Variants in WASF3 observed in about 807,000 individuals in gnomAD.
The protein encoded by WASF3 is actin-binding protein WASF3.
Under a neutral mutation model 46.6 loss-of-function variants are expected in WASF3, and 11 were observed. That is an observed-to-expected ratio of 0.24 (90% CI 0.15 to 0.39). WASF3 has a LOEUF of 0.39. Among genes scored for constraint, WASF3 ranks in the 10% least tolerant of loss-of-function variants. WASF3 has a pLI of 1.00. For missense variants in WASF3, 576 were observed against 669.8 expected, an observed-to-expected ratio of 0.86 and a Z score of 1.55; for synonymous variants, 242 against 259.7, an observed-to-expected ratio of 0.93 and a Z score of 0.65.
the WASF3 span, among the ~76,000 whole-genome samples, chr13:26,546,833 C>G: frequency 6.6e-6 from 1 of 152,228 alleles, no homozygotes; most frequent in Admixed American, 6.5e-5. Context: ...CTCATTTTCA[C>G]AAGGGCAGGA....
chr13:26,568,951 A>T (rs1046068209), intron 1 of WASF3, among the ~76,000 whole-genome samples: 5 of 152,220 alleles, frequency 3.3e-5, no homozygotes, highest in Admixed American at 2.0e-4. Flanking sequence ...TGACCCAATT[A>T]AACTTTGGAG....
intron 1 of WASF3, among the ~76,000 whole-genome samples, chr13:26,580,661 T>C (rs1056624977): frequency 2.0e-5 from 3 of 151,198 alleles, no homozygotes; most frequent in Non-Finnish European, 2.9e-5. Flanking sequence ...TTTTTGCTCT[T>C]GTTGCTCAGA....
At chr13:26,635,508 C>T (rs973046700) in intron 2 of WASF3, among the ~76,000 whole-genome samples, 1 of 152,202 alleles carries the variant, frequency 6.6e-6, no homozygotes, top group Admixed American at 6.5e-5. Context: ...CAAAGTCATT[C>T]TCCGTCCAGC....
At position 26,621,754 on chromosome 13, in the gene WASF3, C is replaced by G. The variant is rs114942397; in HGVS notation, c.-11+8696C>G. Among the ~76,000 whole-genome samples, 1,376 of 152,238 alleles carry G rather than the reference C, an allele frequency of 9.0e-3. 10 individuals carry two copies. The highest frequency in any genetic ancestry group is 0.017 in the African/African-American group (718 of 41,542). The stretch of plus-strand genomic sequence containing the variant: ...AGCTTTAAAAAGAAGCAGTGTGGCT[C>G]TAGAAGGCAGTGTGCGAAGTGAGGA... On this transcript the variant is annotated intron_variant, in intron 2 of 9. Transcript: ENST00000335327.
chr13:26,567,384 A>G (rs1879497167), intron 1 of WASF3, among the ~76,000 whole-genome samples: 2 of 152,170 alleles, frequency 1.3e-5, no homozygotes, highest in Admixed American at 6.5e-5. Context: ...CTGCATGGCA[A>G]GCTTGTTCTA....
intron 1 of WASF3, among the ~76,000 whole-genome samples, chr13:26,564,000 A>G (rs980305967): frequency 3.9e-5 from 6 of 152,122 alleles, no homozygotes; most frequent in African/African-American, 1.4e-4. Flanking sequence ...ATTGATCTAA[A>G]GATATCTTCT....
chr13:26,682,458 A>G lies in WASF3; in HGVS notation c.984-149A>G. On this transcript the variant is annotated intron_variant, in intron 8 of 9. Transcript: ENST00000335327. This position sits in a 1 kb window ranked among gnomAD's most constrained non-coding sequence, Gnocchi z 4.4. The stretch of plus-strand genomic sequence containing the variant: ...GTCAAACTGTGAAAATAACTGACCC[A>G]AGGTGTGCATGTTTGCATCCTGCCA... The G allele has an allele frequency of 2.3e-6, 2 of 871,162 alleles. No individual in the cohort carries two copies. Among genetic ancestry groups the G allele is most frequent in the Admixed American group, 2.3e-5 (1 of 44,180 alleles). The allele number at this position is 871,162 out of a possible 1,614,324, so 54.0% of individuals were successfully genotyped here.
chr13:26,625,484 A>G (rs888725965), intron 2 of WASF3, among the ~76,000 whole-genome samples: 1 of 152,170 alleles, frequency 6.6e-6, no homozygotes, highest in African/African-American at 2.4e-5. Flanking sequence ...AAAGCCTGAG[A>G]ACCAGGAGCT....
intron 3 of WASF3, among the ~76,000 whole-genome samples, chr13:26,653,153 G>A (rs935611183): frequency 6.6e-6 from 1 of 152,118 alleles, no homozygotes; most frequent in African/African-American, 2.4e-5. Context: ...AAATGGATGG[G>A]CTGTTCATGC....
chr13:26,647,042 A>G (rs1882171492), intron 3 of WASF3, among the ~76,000 whole-genome samples: 1 of 152,230 alleles, frequency 6.6e-6, no homozygotes, highest in African/African-American at 2.4e-5. Flanking sequence ...TGCTCTTACT[A>G]CATCCAAATC....
At chr13:26,623,873 T>TA (rs145747174) in intron 2 of WASF3, among the ~76,000 whole-genome samples, 4,259 of 152,266 alleles carry the variant, frequency 0.028, 73 homozygotes, top group African/African-American at 0.046. Flanking sequence ...TCTAGCACAC[T>TA]AGGCACAAGA....
intron 7 of WASF3, 78 bp from the exon 8 acceptor site, chr13:26,680,976 A>G: frequency 6.6e-7 from 1 of 1,510,888 alleles, no homozygotes; most frequent in South Asian, 1.3e-5. Context: ...GTTATTATTC[A>G]AATACATCCA....
chr13:26,640,937 A>G (rs1024792391), intron 2 of WASF3: 1 of 152,140 alleles, frequency 6.6e-6, no homozygotes, highest in Admixed American at 6.5e-5. Context: ...CTCTTCAAAC[A>G]TTCCCCAGGA....
At chr13:26,596,584 T>A (rs981487943) in intron 1 of WASF3, among the ~76,000 whole-genome samples, 1 of 152,230 alleles carries the variant, frequency 6.6e-6, no homozygotes, top group African/African-American at 2.4e-5. Flanking sequence ...CTTTGGTTTT[T>A]AGCAATTTGG....
intron 1 of WASF3, among the ~76,000 whole-genome samples, chr13:26,565,849 C>T (rs973916909): frequency 3.9e-5 from 6 of 152,152 alleles, no homozygotes; most frequent in Non-Finnish European, 7.4e-5. Flanking sequence ...ATCTTTATAG[C>T]GTCTCTGCTG....
At chr13:26,544,622 A>G in the WASF3 span, among the ~76,000 whole-genome samples, 2 of 152,262 alleles carry the variant, frequency 1.3e-5, no homozygotes, top group Non-Finnish European at 2.9e-5. Context: ...ATGTCACGAT[A>G]CAGGTAGTTT....
At chr13:26,562,658 T>G (rs1173188766) in intron 1 of WASF3, among the ~76,000 whole-genome samples, 2 of 151,978 alleles carry the variant, frequency 1.3e-5, no homozygotes, top group Admixed American at 6.6e-5. Flanking sequence ...TTTCAGAGTT[T>G]CCATTGGAGT....
chr13:26,615,113 T>C (rs988846392), intron 2 of WASF3, among the ~76,000 whole-genome samples: 1 of 152,104 alleles, frequency 6.6e-6, no homozygotes, highest in African/African-American at 2.4e-5. Flanking sequence ...GAGCTATGTC[T>C]ATCTGGTTGC....
At chr13:26,633,196 A>ATTTTTTTTTTT (rs1881705978) in intron 2 of WASF3, among the ~76,000 whole-genome samples, 2 of 22,156 alleles carry the variant, frequency 9.0e-5, no homozygotes, top group Non-Finnish European at 1.9e-4. Flanking sequence ...GATCTTAGTT[A>ATTTTTTTTTTT]TTTCTTTTTT....
Sources: allele counts gnomAD v4.1 joint callset (sites outside exome capture counted in the v4.1 genomes callset), GRCh38; gene constraint gnomAD v4.1.1; non-coding constraint Gnocchi (gnomAD v3.1); transcripts MANE v1.5; gene names NCBI Gene and HGNC (gene_info 2026-07-23, HGNC 2026-07-21).